Variants in KSR2 observed in about 807,000 individuals in gnomAD.
KSR2 encodes the protein kinase suppressor of ras 2.
KSR2 carries 25 observed loss-of-function variants against 107.8 expected under a neutral mutation model. The observed-to-expected ratio is 0.23, with a 90% confidence interval of 0.17 to 0.32. KSR2 has a LOEUF of 0.32. Ranked by LOEUF, KSR2 falls within the 10% of genes least tolerant of loss-of-function variation. The pLI is 1.00. For synonymous variants in KSR2, 480 were observed against 507.0 expected, an observed-to-expected ratio of 0.95 and a Z score of 0.71; for missense variants, 887 against 1,268.9, an observed-to-expected ratio of 0.70 and a Z score of 4.57.
chr12:117,485,680 C>T lies in KSR2; in HGVS notation c.2231G>A (p.Gly744Glu), dbSNP rs745874857. The change falls in exon 15 of 20, where the codon GGA becomes GAA. Residue 744 changes from glycine (G) to glutamate (E), a missense_variant. Transcript: ENST00000339824. ...HLAIITSLCK[G>E]RTLYSVVRDA... ...CCTCACAACGGAATAGAGCGTCCGT[C>T]CCTTACAGAGGCTGAAAAGCAAAAG... is the stretch of plus-strand genomic sequence containing the variant. The T allele has an allele frequency of 6.2e-7, 1 of 1,612,760 alleles. No individual in the cohort carries two copies. The highest frequency in any genetic ancestry group is 8.5e-7 in the Non-Finnish European group (1 of 1,178,928).
At chr12:117,690,130 T>C (rs1885752770) in intron 4 of KSR2, among the ~76,000 whole-genome samples, 1 of 152,190 alleles carries the variant, frequency 6.6e-6, no homozygotes, top group African/African-American at 2.4e-5. Context: ...GTTTGGTCCA[T>C]GGCCACAGTC....
intron 5 of KSR2, among the ~76,000 whole-genome samples, chr12:117,604,531 A>T (rs1027158926): frequency 6.6e-6 from 1 of 152,206 alleles, no homozygotes; most frequent in African/African-American, 2.4e-5. Flanking sequence ...AGCAAGGGTA[A>T]GAAATCTCAA....
rs114364215 is a variant in KSR2 at position 117,505,482 on chromosome 12, C to A, written c.2219+19370G>T. Reference sequence around the variant, plus strand: ...AGCTCAAATGCTTCTGTTGCTTACACCCATGGAACCCTGGGCAAATAACAT... The same window carrying A: ...AGCTCAAATGCTTCTGTTGCTTACAACCATGGAACCCTGGGCAAATAACAT... On this transcript the variant is annotated intron_variant, in intron 14 of 19. Transcript: ENST00000339824. Among the ~76,000 whole-genome samples the A allele has an allele frequency of 6.9e-4, 105 of 152,060 alleles. 1 individual carries two copies. The highest frequency in any genetic ancestry group is 2.5e-3 in the African/African-American group (104 of 41,436).
At chr12:117,774,537 T>C (rs1763341226) in intron 3 of KSR2, among the ~76,000 whole-genome samples, 1 of 152,174 alleles carries the variant, frequency 6.6e-6, no homozygotes, top group South Asian at 2.1e-4. Context: ...GACCCCGTAA[T>C]GCCTCCCACG....
rs1188671493 is a variant in KSR2 at position 117,731,442 on chromosome 12, G to A, written c.986+29569C>T. Among the ~76,000 whole-genome samples the A allele has an allele frequency of 7.3e-4, 93 of 127,946 alleles. 1 individual carries two copies. The highest frequency in any genetic ancestry group is 2.9e-3 in the African/African-American group (90 of 30,666). The allele number at this position is 127,946 out of a possible 152,430, so 83.9% of individuals were successfully genotyped here. On this transcript the variant is annotated intron_variant, in intron 4 of 19. Coordinates refer to ENST00000339824, the MANE Select transcript of KSR2 (RefSeq NM_173598.6). ...GGGGGGCAGCCCCCGCCCAGCCACC[G>A]CCCCGTCCGGGAGGTGGGGGGCGCC...
chr12:117,567,661 C>CAAAAA (rs57039581), intron 7 of KSR2, among the ~76,000 whole-genome samples: 6 of 134,966 alleles, frequency 4.4e-5, no homozygotes, highest in African/African-American at 1.1e-4. Flanking sequence ...AGGCTTCTCG[C>CAAAAA]AAAAAAAAAA....
At chr12:117,535,749 T>A (rs951078380) in intron 10 of KSR2, among the ~76,000 whole-genome samples, 7 of 152,044 alleles carry the variant, frequency 4.6e-5, no homozygotes, top group Non-Finnish European at 8.8e-5. Flanking sequence ...AAGACAATCA[T>A]TTTCGAAGCC....
At chr12:117,839,669 G>A (rs971694205) in intron 3 of KSR2, among the ~76,000 whole-genome samples, 10 of 152,172 alleles carry the variant, frequency 6.6e-5, no homozygotes, top group South Asian at 4.1e-4. Context: ...GCCGAAGATC[G>A]ACACAGGTGC....
At chr12:117,739,909 A>G in intron 4 of KSR2, among the ~76,000 whole-genome samples, 1 of 151,326 alleles carries the variant, frequency 6.6e-6, no homozygotes, top group South Asian at 2.1e-4. Context: ...TTTCACTCTT[A>G]GAAAAGCTTG....
chr12:117,688,446 C>T (rs915480836), intron 4 of KSR2, among the ~76,000 whole-genome samples: 2 of 152,226 alleles, frequency 1.3e-5, no homozygotes, highest in African/African-American at 4.8e-5. Context: ...AAAAGTTTCT[C>T]AAGTCCTTTG....
At chr12:117,937,626 T>A (rs1895885082) in intron 1 of KSR2, among the ~76,000 whole-genome samples, 1 of 151,808 alleles carries the variant, frequency 6.6e-6, no homozygotes, top group South Asian at 2.1e-4. Flanking sequence ...GGAACCCAGT[T>A]TAAAGACAGG....
intron 3 of KSR2, among the ~76,000 whole-genome samples, chr12:117,830,403 G>A (rs925535250): frequency 7.2e-5 from 11 of 152,214 alleles, no homozygotes; most frequent in Admixed American, 3.3e-4. Flanking sequence ...TAAGCGCTAC[G>A]CTCACTACCT....
chr12:117,470,123 C>T (rs1229478556), intron 18 of KSR2, among the ~76,000 whole-genome samples: 7 of 151,736 alleles, frequency 4.6e-5, no homozygotes, highest in Admixed American at 1.3e-4. Flanking sequence ...TCCACTCATC[C>T]ACCCATCATG....
At chr12:117,944,849 C>A (rs149479438) in intron 1 of KSR2, among the ~76,000 whole-genome samples, 1,683 of 151,792 alleles carry the variant, frequency 0.011, 38 homozygotes, top group African/African-American at 0.038. Context: ...CAGAGTGAGA[C>A]CCTGTTTCAA....
At chr12:117,904,312 C>T (rs910198565) in intron 1 of KSR2, among the ~76,000 whole-genome samples, 5 of 152,126 alleles carry the variant, frequency 3.3e-5, no homozygotes, top group African/African-American at 9.7e-5. Context: ...TATCTAAACT[C>T]GTTGAATGAG....
At chr12:117,470,814 T>C (rs1271865222) in intron 18 of KSR2, among the ~76,000 whole-genome samples, 1 of 152,236 alleles carries the variant, frequency 6.6e-6, no homozygotes, top group African/African-American at 2.4e-5. Context: ...TGTTCTGAGT[T>C]AGATAATGCC....
At chr12:117,696,086 A>T (rs578134315) in intron 4 of KSR2, among the ~76,000 whole-genome samples, 101 of 152,310 alleles carry the variant, frequency 6.6e-4, no homozygotes, top group African/African-American at 2.2e-3. Flanking sequence ...AGCCAATTTA[A>T]TTAGAGGTTC....
intron 3 of KSR2, among the ~76,000 whole-genome samples, chr12:117,833,526 C>A (rs779234963): frequency 1.3e-5 from 2 of 152,108 alleles, no homozygotes; most frequent in Non-Finnish European, 2.9e-5. Flanking sequence ...CCAAGCCCAG[C>A]TGATTTTTTT....
intron 5 of KSR2, among the ~76,000 whole-genome samples, chr12:117,619,588 CA>C (rs1882067741): frequency 6.6e-6 from 1 of 151,636 alleles, no homozygotes; most frequent in Non-Finnish European, 1.5e-5. Flanking sequence ...ATATGTGCCA[CA>C]TTTTCTTAAT....
Sources: gnomAD v4.1 joint callset for allele counts (sites outside exome capture counted in the v4.1 genomes callset) on GRCh38, gnomAD v4.1.1 for gene constraint, MANE v1.5 for transcripts, NCBI Gene and HGNC (gene_info 2026-07-23, HGNC 2026-07-21) for gene names.